The following TAC3 variants were observed in gnomAD, a reference collection of about 807,000 sequenced individuals.
TAC3 encodes tachykinin-3.
In TAC3, 9 loss-of-function variants were observed where a neutral mutation model predicts 16.5. The observed-to-expected ratio is 0.55, with a 90% confidence interval of 0.33 to 0.95. The LOEUF (loss-of-function observed/expected upper bound fraction) is 0.95, where lower values mean the gene tolerates loss of function less well. Ranked by LOEUF, TAC3 falls within the 40% of genes least tolerant of loss-of-function variation. The probability of loss-of-function intolerance (pLI) is 0.03; values close to 1 mark genes in which losing one functional copy is unlikely to be tolerated. For missense variants in TAC3, 129 were observed against 149.1 expected (o/e 0.87, Z 0.70); for synonymous variants, 52 against 56.7 (o/e 0.92, Z 0.37).
At chr12:57,011,766 CA>C (rs1417513191) in intron 6 of TAC3, among the ~76,000 whole-genome samples, 4 of 152,142 alleles carry the variant, frequency 2.6e-5, no homozygotes, top group Admixed American at 6.6e-5. Flanking sequence ...GTACCTTGGC[CA>C]AAAAGATACA....
chr12:57,012,314 C>T (rs930062501), intron 6 of TAC3, 64 bp downstream of exon 6: 4 of 1,455,082 alleles, frequency 2.7e-6, no homozygotes, highest in African/African-American at 2.8e-5. Flanking sequence ...AGGAAATGCA[C>T]AGCTGGCAAC....
chr12:57,011,650 C>G (rs1284921273), intron 6 of TAC3, among the ~76,000 whole-genome samples: 1 of 152,190 alleles, frequency 6.6e-6, no homozygotes, highest in Non-Finnish European at 1.5e-5. Context: ...GCACCCGGCA[C>G]TGTTCTGAAC....
In TAC3 at chr12:57,013,603, G is replaced by C. The variant is rs1409041703; in HGVS notation, c.183C>G (p.Leu61=). The C allele has an allele frequency of 6.2e-7, 1 of 1,613,658 alleles. No homozygotes were observed. Among genetic ancestry groups the C allele is most frequent in the Admixed American group, 1.7e-5 (1 of 59,984 alleles). ...CTGTGCTAGCCTGGCTCAGGGCTTTGAGCAATCCCTCCAGAGATGAGTGGC... is the reference window on the plus strand; with the variant it reads ...CTGTGCTAGCCTGGCTCAGGGCTTTCAGCAATCCCTCCAGAGATGAGTGGC... ...FKSHSSLEGL[L]KALSQASTDP... The change falls in exon 3 of 7, where the codon CTC becomes CTG. Residue 61 remains leucine (L), a synonymous_variant. Transcript: ENST00000458521.
intron 6 of TAC3, chr12:57,010,752 A>G (rs913543941): frequency 6.4e-6 from 1 of 155,270 alleles, no homozygotes; most frequent in African/African-American, 2.4e-5. Context: ...AAATCAGATG[A>G]CACAATGATC....
At chr12:57,013,428 T>G in intron 3 of TAC3, 40 bp from the exon 4 acceptor site, 1 of 1,613,572 alleles carries the variant, frequency 6.2e-7, no homozygotes, top group Non-Finnish European at 8.5e-7. Flanking sequence ...GGGAGTGAAG[T>G]TGGAAAGTGA....
rs1307869978 is a variant in TAC3 at position 57,012,358 on chromosome 12, C to G, written c.*1+20G>C. The G allele has an allele frequency of 6.2e-7, 1 of 1,607,966 alleles. No homozygotes were observed. Among genetic ancestry groups the G allele is most frequent in the Non-Finnish European group, 8.5e-7 (1 of 1,175,396 alleles). ...CCCCCTCCCCAGTCCCCTCTCCCCTCTCTAATGAACAATCCTTACCCTATT... is the reference window on the plus strand; with the variant it reads ...CCCCCTCCCCAGTCCCCTCTCCCCTGTCTAATGAACAATCCTTACCCTATT... On this transcript the variant is annotated intron_variant, in intron 6 of 6. Coordinates refer to ENST00000458521, the MANE Select transcript of TAC3 (RefSeq NM_013251.4).
chr12:57,015,621 G>A, intron 2 of TAC3, 63 bp downstream of exon 2: 1 of 1,477,198 alleles, frequency 6.8e-7, no homozygotes, highest in Non-Finnish European at 9.4e-7. Flanking sequence ...CACTACAGCT[G>A]TCCAGACAGG....
At chr12:57,011,818 T>A (rs761841314) in intron 6 of TAC3, among the ~76,000 whole-genome samples, 11 of 152,138 alleles carry the variant, frequency 7.2e-5, no homozygotes, top group Non-Finnish European at 1.5e-4. Flanking sequence ...AGGCCATTGT[T>A]CTTATTCATT....
At position 57,012,959 on chromosome 12, in the gene TAC3, G is replaced by A. The variant is rs1956323014; in HGVS notation, c.239-84C>T. 1.7e-5 allele frequency: 27 copies of A among 1,549,542 alleles called. No homozygotes were observed. In the South Asian group the frequency reaches 3.0e-4, roughly 17 times the overall value. On this transcript the variant is annotated intron_variant, in intron 4 of 6. Transcript: ENST00000458521. ...GACATGGGTCAACACTTCTGAGACT[G>A]GGTTTCTGGTCTCTGTTCCTTTTTC...
intron 6 of TAC3, chr12:57,011,990 G>A (rs1047236608): frequency 2.6e-5 from 7 of 267,502 alleles, no homozygotes; most frequent in South Asian, 4.4e-5. Flanking sequence ...GGAGGCAAAT[G>A]CTTGCCTGTG....
intron 6 of TAC3, 99 bp downstream of exon 6, chr12:57,012,279 T>G: frequency 9.3e-5 from 107 of 1,154,208 alleles, no homozygotes; most frequent in Non-Finnish European, 1.2e-4. Flanking sequence ...GGCAAATCTA[T>G]GAGCTTTAAT....
In TAC3 at chr12:57,012,391, C is replaced by T. The variant is rs1179803649; in HGVS notation, c.354G>A (p.Pro118=). Residue 118 remains proline (P), a synonymous_variant, in exon 6 of 7, where the codon CCG becomes CCA. Coordinates refer to ENST00000458521, the MANE Select transcript of TAC3 (RefSeq NM_013251.4). ...AACAATCCTTACCCTATTCTGCTCT[C>T]GGGGGATACTTGAGGATGCCAAAGC... ...VPSFGILKYP[P]RAE The T allele has an allele frequency of 6.2e-6, 10 of 1,613,042 alleles. No individual in the cohort carries two copies. Among genetic ancestry groups the T allele is most frequent in the East Asian group, 2.2e-5 (1 of 44,856 alleles).
intron 5 of TAC3, 45 bp downstream of exon 5, chr12:57,012,777 T>C (rs1416249951): frequency 6.2e-7 from 1 of 1,613,988 alleles, no homozygotes; most frequent in Non-Finnish European, 8.5e-7. Flanking sequence ...TGTCATACTC[T>C]GCCAGTACCC....
intron 6 of TAC3, 28 bp downstream of exon 6, chr12:57,012,350 T>C: frequency 2.1e-6 from 2 of 972,910 alleles, no homozygotes; most frequent in Non-Finnish European, 3.1e-6. Context: ...CCCAGTCCCC[T>C]CTCCCCTCTC....
rs1282227429 is a variant in TAC3, at chr12:57,013,597, G to C, written c.189C>G (p.Ala63=). 1 of 1,613,358 alleles carries C rather than the reference G, an allele frequency of 6.2e-7. No individual in the cohort carries two copies. The highest frequency in any genetic ancestry group is 8.5e-7 in the Non-Finnish European group (1 of 1,179,922). Reference sequence around the variant, plus strand: ...TCCTACCTGTGCTAGCCTGGCTCAGGGCTTTGAGCAATCCCTCCAGAGATG... The same window carrying C: ...TCCTACCTGTGCTAGCCTGGCTCAGCGCTTTGAGCAATCCCTCCAGAGATG... ...SHSSLEGLLK[A]LSQASTDPKE... Residue 63 remains alanine (A), a synonymous_variant, in exon 3 of 7, where the codon GCC becomes GCG. Transcript: ENST00000458521.
chr12:57,012,323 A>AC (rs35216154), intron 6 of TAC3, 55 bp downstream of exon 6: 3 of 1,497,194 alleles, frequency 2.0e-6, no homozygotes, highest in Non-Finnish European at 2.8e-6. Flanking sequence ...ACAGCTGGCA[A>AC]CCCCCACAGC....
At chr12:57,014,258 A>G (rs900430462) in intron 2 of TAC3, among the ~76,000 whole-genome samples, 1 of 151,164 alleles carries the variant, frequency 6.6e-6, no homozygotes, top group Non-Finnish European at 1.5e-5. Flanking sequence ...ACTTGCGTAC[A>G]GCAGGGTGGT....
Position 57,012,831 on chromosome 12 carries a change from C to T in TAC3, c.283G>A (p.Val95Ile), listed in dbSNP as rs759489148. 1.1e-5 allele frequency: 17 copies of T among 1,614,048 alleles called. No individual in the cohort carries two copies. Among genetic ancestry groups the T allele is most frequent in the South Asian group, 4.4e-5 (4 of 91,088 alleles). The change falls in exon 5 of 7, where the codon GTC becomes ATC. Residue 95 changes from valine to isoleucine, a missense_variant. By Grantham distance (29) the Val-to-Ile change is conservative (BLOSUM62 3). Coordinates refer to ENST00000458521, the MANE Select transcript of TAC3 (RefSeq NM_013251.4). ...FFVGLMGKRSVQPDSPTDVNQ... is the reference protein window; with the variant it reads ...FFVGLMGKRSIQPDSPTDVNQ... ...CTCCACACACTCCTACCTGGCTGGA[C>T]GCTCCTCTTGCCCATAAGTCCCACA...
chr12:57,011,099 T>C (rs545419678), intron 6 of TAC3, among the ~76,000 whole-genome samples: 2 of 152,334 alleles, frequency 1.3e-5, no homozygotes, highest in Admixed American at 6.5e-5. Flanking sequence ...AACCATCTAA[T>C]GAGAGCAAAA....
Sources: gnomAD v4.1 joint callset for allele counts (sites outside exome capture counted in the v4.1 genomes callset) on GRCh38, gnomAD v4.1.1 for gene constraint, MANE v1.5 for transcripts, NCBI Gene and HGNC (gene_info 2026-07-23, HGNC 2026-07-21) for gene names.